Variants in DMD observed in about 807,000 individuals in gnomAD.
DMD encodes the protein dystrophin.
DMD carries 63 observed loss-of-function variants against 330.1 expected under a neutral mutation model. The ratio of observed to expected loss-of-function variants is 0.19; its 90% CI spans 0.16 to 0.24. The LOEUF is 0.24. DMD is among the 10% of genes least tolerant of loss of function. The probability of loss-of-function intolerance (pLI) is 1.00; values close to 1 mark genes in which losing one functional copy is unlikely to be tolerated. For missense variants in DMD, 3,344 were observed against 2,684.1 expected (o/e 1.25, Z -5.43); for synonymous variants, 1,223 against 959.8 (o/e 1.27, Z -5.07).
At chrX:31,280,742 T>C (rs1167748271) in intron 62 of DMD, among the ~76,000 whole-genome samples, 2 of 112,209 alleles carry the variant, frequency 1.8e-5, no homozygotes, top group African/African-American at 3.2e-5. Context: ...ATTCAGGTCA[T>C]GCTGTCAGTT....
At chrX:31,369,367 T>C (rs2059426203) in intron 60 of DMD, among the ~76,000 whole-genome samples, 1 of 111,941 alleles carries the variant, frequency 8.9e-6, no homozygotes, top group Non-Finnish European at 1.9e-5. Context: ...GGGAGATAAA[T>C]TAGAGGCTAT....
intron 7 of DMD, among the ~76,000 whole-genome samples, chrX:32,795,434 T>A (rs1331150599): frequency 8.9e-6 from 1 of 111,882 alleles, no homozygotes; most frequent in Non-Finnish European, 1.9e-5. Context: ...TGAAACTGGA[T>A]CCCTGTCTCT....
chrX:31,229,626 T>C (rs1386328870), intron 63 of DMD, among the ~76,000 whole-genome samples: 1 of 111,890 alleles, frequency 8.9e-6, no homozygotes, highest in Non-Finnish European at 1.9e-5. Flanking sequence ...AAATAAAATT[T>C]AGAGCACATA....
intron 61 of DMD, among the ~76,000 whole-genome samples, chrX:31,328,864 G>T (rs1246508971): frequency 8.9e-6 from 1 of 112,291 alleles, no homozygotes; most frequent in Non-Finnish European, 1.9e-5. Flanking sequence ...CACCTGGGCA[G>T]CATTTATCTG....
chrX:32,224,894 T>G (rs1374432843), intron 43 of DMD, among the ~76,000 whole-genome samples: 2 of 111,526 alleles, frequency 1.8e-5, no homozygotes. Context: ...TCTACACATT[T>G]TTTCCCTTAT....
intron 55 of DMD, among the ~76,000 whole-genome samples, chrX:31,515,544 GA>G (rs72351667): frequency 0.1 from 11,235 of 111,177 alleles, 564 homozygotes; most frequent in Admixed American, 0.2. Context: ...AGCTTGATGG[GA>G]AAAAAAGTGG....
intron 1 of DMD, among the ~76,000 whole-genome samples, chrX:33,085,622 T>TA (rs1165789197): frequency 8.9e-6 from 1 of 112,326 alleles, no homozygotes; most frequent in Non-Finnish European, 1.9e-5. Context: ...TGTAAATCCA[T>TA]AATATGCAAA....
At chrX:32,674,836 T>C (rs1235713385) in intron 9 of DMD, among the ~76,000 whole-genome samples, 1 of 111,476 alleles carries the variant, frequency 9.0e-6, no homozygotes, top group Admixed American at 9.6e-5. Context: ...CTTAAATCCA[T>C]AATAAAACTC....
intron 2 of DMD, among the ~76,000 whole-genome samples, chrX:32,853,201 G>A (rs1413058561): frequency 3.6e-5 from 4 of 111,939 alleles, no homozygotes; most frequent in Admixed American, 9.5e-5. Context: ...TGTTCTACAA[G>A]AAATGCTAAA....
At chrX:31,329,437 T>A (rs1434610187) in intron 61 of DMD, among the ~76,000 whole-genome samples, 1 of 111,743 alleles carries the variant, frequency 8.9e-6, no homozygotes, top group Non-Finnish European at 1.9e-5. Flanking sequence ...AATAAGCCAG[T>A]CATAGAAGGA....
At chrX:32,826,360 A>G (rs757314160) in intron 4 of DMD, among the ~76,000 whole-genome samples, 12 of 111,986 alleles carry the variant, frequency 1.1e-4, no homozygotes, top group African/African-American at 3.9e-4. Flanking sequence ...AAACAAATCA[A>G]TATGTCAAAG....
intron 2 of DMD, among the ~76,000 whole-genome samples, chrX:33,015,340 G>A (rs2093780739): frequency 1.8e-5 from 2 of 111,672 alleles, no homozygotes; most frequent in Non-Finnish European, 3.8e-5. Flanking sequence ...CCATAAGAAA[G>A]AATGAGATCA....
At chrX:32,834,042 A>G (rs914273290) in intron 4 of DMD, among the ~76,000 whole-genome samples, 13 of 111,492 alleles carry the variant, frequency 1.2e-4, no homozygotes, top group African/African-American at 3.9e-4. Flanking sequence ...ATGTTTGTAT[A>G]TTTGTATCTT....
intron 21 of DMD, among the ~76,000 whole-genome samples, chrX:32,479,534 T>C (rs1166686914): frequency 1.8e-5 from 2 of 110,446 alleles, no homozygotes; most frequent in African/African-American, 6.6e-5. Flanking sequence ...TCATACAGTA[T>C]TTGTCTTTCT....
intron 64 of DMD, among the ~76,000 whole-genome samples, chrX:31,214,522 T>C (rs1000175381): frequency 3.3e-4 from 37 of 111,789 alleles, no homozygotes; most frequent in African/African-American, 1.1e-3. Context: ...CTAGCCTACC[T>C]TCAATGTGCT....
intron 7 of DMD, among the ~76,000 whole-genome samples, chrX:32,761,079 AC>A (rs1364812225): frequency 8.9e-6 from 1 of 111,892 alleles, no homozygotes; most frequent in Non-Finnish European, 1.9e-5. Flanking sequence ...TCTTTGGACT[AC>A]ACTTAAATGT....
chrX:31,505,935 C>T (rs982516564), intron 56 of DMD, among the ~76,000 whole-genome samples: 2 of 110,340 alleles, frequency 1.8e-5, no homozygotes, highest in African/African-American at 6.5e-5. Flanking sequence ...CCTGGCCCAC[C>T]CAGACTCCCT....
chrX:32,732,557 G>A (rs1007489337), intron 7 of DMD, among the ~76,000 whole-genome samples: 13 of 111,416 alleles, frequency 1.2e-4, no homozygotes, highest in Non-Finnish European at 1.7e-4. Context: ...CACTAACAGC[G>A]GATCTCTCGG....
chrX:32,170,758 C>A (rs1399727923), intron 44 of DMD, among the ~76,000 whole-genome samples: 1 of 110,462 alleles, frequency 9.1e-6, no homozygotes, highest in Non-Finnish European at 1.9e-5. Context: ...CTACCAATAT[C>A]TCTGTCTCTA....
Sources: gnomAD v4.1 joint callset for allele counts (sites outside exome capture counted in the v4.1 genomes callset) on GRCh38, gnomAD v4.1.1 for gene constraint, MANE v1.5 for transcripts, NCBI Gene and HGNC (gene_info 2026-07-23, HGNC 2026-07-21) for gene names.